ERO1A: variants seen among roughly 807,000 people sequenced by gnomAD.
ERO1A encodes the protein ERO1-like protein alpha.
ERO1A carries 49 observed loss-of-function variants against 76.9 expected under a neutral mutation model. The ratio of observed to expected loss-of-function variants is 0.64; its 90% CI spans 0.51 to 0.81. The LOEUF is 0.81. ERO1A is among the 30% of genes least tolerant of loss of function. The probability of loss-of-function intolerance (pLI) is 0.00; values close to 1 mark genes in which losing one functional copy is unlikely to be tolerated. For missense variants in ERO1A, 448 were observed against 542.1 expected, an observed-to-expected ratio of 0.83 and a Z score of 1.72; for synonymous variants, 174 against 181.2, an observed-to-expected ratio of 0.96 and a Z score of 0.32.
At chr14:52,665,216 C>T (rs1594826187) in intron 7 of ERO1A, among the ~76,000 whole-genome samples, 1 of 149,422 alleles carries the variant, frequency 6.7e-6, no homozygotes, top group South Asian at 2.1e-4. Flanking sequence ...GCAGGAGAAT[C>T]GCTTGAACCT....
intron 6 of ERO1A, among the ~76,000 whole-genome samples, chr14:52,671,150 G>A (rs144325919): frequency 1.4e-4 from 21 of 152,300 alleles, no homozygotes; most frequent in African/African-American, 3.6e-4. Context: ...AGATCCATCC[G>A]TGTTGTAGTA....
At chr14:52,693,225 GT>G in intron 1 of ERO1A, among the ~76,000 whole-genome samples, 1 of 152,022 alleles carries the variant, frequency 6.6e-6, no homozygotes. Flanking sequence ...CACTGAAGCA[GT>G]GGGCTGGGAA....
chr14:52,678,471 T>C lies in ERO1A; in HGVS notation c.320A>G (p.Asp107Gly), dbSNP rs2040877510. ...AGATTTAATTCCATCAGGAACTTCA[T>C]CCTGAAAAAGAAAAAAATATGTTTT... is the stretch of plus-strand genomic sequence containing the variant. ...RDCAVKPCQS[D>G]EVPDGIKSAS... Residue 107 changes from aspartate (D) to glycine (G), a missense_variant and splice_region_variant, in exon 4 of 16, where the codon GAT becomes GGT. Around this residue, in one of 2 missense-constraint regions of ERO1A, gnomAD observed 146 missense variants for 130.2 expected, o/e 1.12. Coordinates refer to ENST00000395686, the MANE Select transcript of ERO1A (RefSeq NM_014584.3). 1 of 1,611,992 alleles carries C rather than the reference T, an allele frequency of 6.2e-7. No homozygotes were observed. Among genetic ancestry groups the C allele is most frequent in the Non-Finnish European group, 8.5e-7 (1 of 1,179,004 alleles).
intron 15 of ERO1A, among the ~76,000 whole-genome samples, chr14:52,643,974 CA>C (rs1466027324): frequency 6.7e-6 from 1 of 150,346 alleles, no homozygotes; most frequent in Non-Finnish European, 1.5e-5. Flanking sequence ...CTGGTCTCTA[CA>C]AAAAAAAATT....
intron 4 of ERO1A, among the ~76,000 whole-genome samples, chr14:52,675,425 A>G (rs904237495): frequency 6.6e-6 from 1 of 152,154 alleles, no homozygotes; most frequent in Non-Finnish European, 1.5e-5. Flanking sequence ...TACGGGTATA[A>G]GAATGTTCAA....
intron 10 of ERO1A, 48 bp from the exon 11 acceptor site, chr14:52,658,057 G>T: frequency 1.3e-6 from 2 of 1,506,416 alleles, no homozygotes; most frequent in Non-Finnish European, 1.8e-6. Flanking sequence ...TGTGAATCTT[G>T]TAGACATAAA....
chr14:52,677,215 G>T (rs1339398714), intron 4 of ERO1A, among the ~76,000 whole-genome samples: 3 of 152,176 alleles, frequency 2.0e-5, no homozygotes, highest in South Asian at 2.1e-4. Flanking sequence ...AAACTTTTCA[G>T]TGAAAAGCTA....
chr14:52,652,916 G>A (rs1354261387), intron 12 of ERO1A, among the ~76,000 whole-genome samples, 153 bp downstream of exon 12: 1 of 151,882 alleles, frequency 6.6e-6, no homozygotes, highest in African/African-American at 2.4e-5. Context: ...GACTGCTTGA[G>A]CCCAGGAAAT....
intron 13 of ERO1A, among the ~76,000 whole-genome samples, chr14:52,651,027 G>A (rs1397059457): frequency 1.3e-5 from 2 of 151,284 alleles, no homozygotes; most frequent in Non-Finnish European, 2.9e-5. Context: ...CCAGCACTTT[G>A]GAAGGCTGAG....
At chr14:52,676,875 C>CAA (rs150557631) in intron 4 of ERO1A, among the ~76,000 whole-genome samples, 162 of 133,628 alleles carry the variant, frequency 1.2e-3, no homozygotes, top group Middle Eastern at 3.8e-3. Flanking sequence ...CTATCTACCC[C>CAA]AAAAAAAAAA....
chr14:52,650,085 G>A (rs2039805886), intron 13 of ERO1A, among the ~76,000 whole-genome samples: 1 of 151,992 alleles, frequency 6.6e-6, no homozygotes, highest in Admixed American at 6.6e-5. Context: ...AGGGCATAGT[G>A]GTGCCAGCCT....
intron 12 of ERO1A, 89 bp downstream of exon 12, chr14:52,652,979 AG>A (rs540393880): frequency 1.8e-4 from 156 of 879,016 alleles, no homozygotes; most frequent in Middle Eastern, 3.6e-4. Context: ...TGGGCAACAG[AG>A]GGAGAGCCTG....
In ERO1A at chr14:52,666,286, G is replaced by T. The variant is rs2040407864; in HGVS notation, c.629+89C>A. On this transcript the variant is annotated intron_variant, in intron 7 of 15. Transcript: ENST00000395686. ...ACACATCTTTTAACAAAGTGAATTT[G>T]ATTTTTAATTTTAAATCATTATGAT... The T allele has an allele frequency of 3.1e-6, 3 of 967,786 alleles. No individual in the cohort carries two copies. In the African/African-American group the frequency reaches 5.0e-5, roughly 16 times the overall value. 59.9% of individuals were successfully genotyped at this position (967,786 alleles called of 1,614,324 possible).
At chr14:52,646,506 C>A in intron 13 of ERO1A, 45 bp from the exon 14 acceptor site, 1 of 1,446,232 alleles carries the variant, frequency 6.9e-7, no homozygotes, top group South Asian at 1.2e-5. Context: ...AATATACAGT[C>A]AATTAGTAAG....
At chr14:52,672,669 T>C (rs146548360) in intron 4 of ERO1A, among the ~76,000 whole-genome samples, 6 of 150,820 alleles carry the variant, frequency 4.0e-5, no homozygotes, top group East Asian at 3.9e-4. Context: ...ACTCAGGAAG[T>C]TGAGGTGGCA....
At chr14:52,676,859 AC>A (rs755267404) in intron 4 of ERO1A, among the ~76,000 whole-genome samples, 3 of 130,278 alleles carry the variant, frequency 2.3e-5, no homozygotes, top group Admixed American at 8.5e-5. Flanking sequence ...ACATGGTAGA[AC>A]CCCCCTATCT....
At chr14:52,652,374 A>C in intron 12 of ERO1A, 66 bp from the exon 13 acceptor site, 1 of 1,038,576 alleles carries the variant, frequency 9.6e-7, no homozygotes, top group South Asian at 1.3e-5. Context: ...TGCTAATACA[A>C]CATTTTACTG....
At chr14:52,665,082 A>T (rs936344124) in intron 7 of ERO1A, among the ~76,000 whole-genome samples, 3 of 151,558 alleles carry the variant, frequency 2.0e-5, no homozygotes, top group Admixed American at 6.6e-5. Flanking sequence ...TGGGTGGATC[A>T]CCTGAGGTCA....
chr14:52,672,653 C>G (rs1439792960), intron 4 of ERO1A, among the ~76,000 whole-genome samples: 2 of 151,686 alleles, frequency 1.3e-5, no homozygotes, highest in South Asian at 2.1e-4. Context: ...GCCTATAATA[C>G]TAGCTACTCA....
Sources: allele counts gnomAD v4.1 joint callset (sites outside exome capture counted in the v4.1 genomes callset), GRCh38; gene constraint gnomAD v4.1.1; regional missense constraint gnomAD v4.1.1; transcripts MANE v1.5; gene names NCBI Gene and HGNC (gene_info 2026-07-23, HGNC 2026-07-21).